Variants in ANTXR1 observed in about 807,000 individuals in gnomAD.
The protein encoded by ANTXR1 is ANTXR cell adhesion molecule 1, also known as anthrax toxin receptor 1.
ANTXR1 carries 19 observed loss-of-function variants against 78.1 expected under a neutral mutation model. The observed-to-expected ratio is 0.24, with a 90% CI of 0.17 to 0.36. The LOEUF (loss-of-function observed/expected upper bound fraction) is 0.36, where lower values mean the gene tolerates loss of function less well. ANTXR1 is among the 10% of genes least tolerant of loss of function. The probability of loss-of-function intolerance (pLI) is 1.00; values close to 1 mark genes in which losing one functional copy is unlikely to be tolerated. For synonymous variants in ANTXR1, 273 were observed against 260.5 expected (o/e 1.05, Z -0.46); for missense variants, 518 against 718.6 (o/e 0.72, Z 3.19).
intron 1 of ANTXR1, among the ~76,000 whole-genome samples, chr2:69,038,901 TCTGA>T (rs1310747643): frequency 6.6e-6 from 1 of 152,216 alleles, no homozygotes; most frequent in Non-Finnish European, 1.5e-5. Context: ...TGAGAATTCT[TCTGA>T]CTATCATTCC....
chr2:69,227,656 A>T (rs2104517548), intron 17 of ANTXR1, among the ~76,000 whole-genome samples: 1 of 152,310 alleles, frequency 6.6e-6, no homozygotes, highest in East Asian at 1.9e-4. Flanking sequence ...TGGCAGCTCC[A>T]TGCTGTCAGG....
At chr2:69,180,297 C>G (rs1481437892) in intron 14 of ANTXR1, among the ~76,000 whole-genome samples, 1 of 152,252 alleles carries the variant, frequency 6.6e-6, no homozygotes, top group Non-Finnish European at 1.5e-5. Flanking sequence ...CAGGCTTCAG[C>G]ATTGTGAGCA....
At chr2:69,125,864 C>T (rs915266261) in intron 12 of ANTXR1, among the ~76,000 whole-genome samples, 4 of 152,026 alleles carry the variant, frequency 2.6e-5, no homozygotes, top group African/African-American at 9.7e-5. Context: ...AAAAAGACAT[C>T]AGCCCCTAAC....
At position 69,013,287 on chromosome 2, in the gene ANTXR1, C is replaced by T; in HGVS notation, c.-213C>T. ...AAGAAGCGGAGGACAGGATTGGGATCCTTGAAACCCGAAACCCAGAAACAG... is the reference window on the plus strand; with the variant it reads ...AAGAAGCGGAGGACAGGATTGGGATTCTTGAAACCCGAAACCCAGAAACAG... On this transcript the variant is annotated 5_prime_UTR_variant, in exon 1 of 18. Coordinates refer to ENST00000303714, the MANE Select transcript of ANTXR1 (RefSeq NM_032208.3). The surrounding 1 kb of genome is among the most constrained non-coding windows in gnomAD (Gnocchi z 5.0). The T allele has an allele frequency of 2.9e-6, 2 of 686,220 alleles. No individual in the cohort carries two copies. The highest frequency in any genetic ancestry group is 4.9e-6 in the Non-Finnish European group (2 of 405,876). The allele number at this position is 686,220 out of a possible 1,614,324, so 42.5% of individuals were successfully genotyped here.
rs79218579 is a variant in ANTXR1, at chr2:69,081,082, G to A, written c.642+3594G>A. On this transcript the variant is annotated intron_variant, in intron 8 of 17. Coordinates refer to ENST00000303714, the MANE Select transcript of ANTXR1 (RefSeq NM_032208.3). ...AGAAAACTCACTATGACTTGAACAC[G>A]TTCTCTCTATTAGCGCCTCTGCCAG... Among the ~76,000 whole-genome samples the A allele has an allele frequency of 9.4e-3, 1,437 of 152,264 alleles. 29 individuals carry two copies. The highest frequency in any genetic ancestry group is 0.033 in the African/African-American group (1,391 of 41,538).
intron 17 of ANTXR1, among the ~76,000 whole-genome samples, chr2:69,240,595 G>A (rs1675872306): frequency 6.6e-6 from 1 of 152,242 alleles, no homozygotes; most frequent in Non-Finnish European, 1.5e-5. Context: ...ACAATCGTTT[G>A]ACTATGTCAA....
At chr2:69,213,604 C>T (rs1054731829) in intron 17 of ANTXR1, among the ~76,000 whole-genome samples, 6 of 152,240 alleles carry the variant, frequency 3.9e-5, no homozygotes, top group African/African-American at 7.2e-5. Flanking sequence ...AGTTACCTTC[C>T]GCAAAGACCA....
At chr2:69,090,143 C>A (rs940668572) in intron 8 of ANTXR1, among the ~76,000 whole-genome samples, 1 of 151,988 alleles carries the variant, frequency 6.6e-6, no homozygotes, top group Admixed American at 6.6e-5. Flanking sequence ...TTGAAGCTCA[C>A]ATTTTCCAGA....
chr2:69,223,576 C>A (rs1341620863), intron 17 of ANTXR1, among the ~76,000 whole-genome samples: 1 of 152,146 alleles, frequency 6.6e-6, no homozygotes, highest in African/African-American at 2.4e-5. Flanking sequence ...TGGGAGGTCA[C>A]CGATGAAGCT....
chr2:69,153,665 G>A lies in ANTXR1; in HGVS notation c.1047+1401G>A, dbSNP rs529545187. On this transcript the variant is annotated intron_variant, in intron 13 of 17. Coordinates refer to ENST00000303714, the MANE Select transcript of ANTXR1 (RefSeq NM_032208.3). ...ATGAGTCAGCCCAAGTGCTTTCTAT[G>A]GAGATTCAAAAACAAGCACATTTTC... 2.0e-5 allele frequency among the ~76,000 whole-genome samples: 3 copies of A among 152,286 alleles called. No individual in the cohort carries two copies. The East Asian group carries it at 5.8e-4, about 29-fold the overall frequency.
At position 69,075,662 on chromosome 2, in the gene ANTXR1, T is replaced by G. The variant is rs1333763849; in HGVS notation, c.561+4T>G. 1.9e-6 allele frequency: 3 copies of G among 1,613,740 alleles called. No homozygotes were observed. Among genetic ancestry groups the G allele is most frequent in the Non-Finnish European group, 2.5e-6 (3 of 1,179,730 alleles). ...GAAAGATTTCAATGAGACACAGGTA[T>G]GGTAATGGATTTCCTCAGGTTTGGA... On this transcript the variant is annotated splice_donor_region_variant and intron_variant, in intron 7 of 17. Transcript: ENST00000303714.
intron 1 of ANTXR1, among the ~76,000 whole-genome samples, chr2:69,017,002 T>C (rs933947396): frequency 1.2e-4 from 19 of 152,166 alleles, no homozygotes; most frequent in Admixed American, 9.2e-4. Context: ...TGGGGAGACC[T>C]TTACAGACAT....
At chr2:69,046,767 G>A (rs2104099681) in intron 3 of ANTXR1, among the ~76,000 whole-genome samples, 1 of 152,280 alleles carries the variant, frequency 6.6e-6, no homozygotes, top group Middle Eastern at 3.4e-3. Flanking sequence ...ATGACTTGCA[G>A]TGTTTTAGTT....
chr2:69,138,092 A>AAG (rs1672965988), intron 12 of ANTXR1, among the ~76,000 whole-genome samples: 1 of 150,556 alleles, frequency 6.6e-6, no homozygotes, highest in African/African-American at 2.5e-5. Flanking sequence ...CTCAAAAAAA[A>AAG]AAGAAAAAAA....
At chr2:69,040,340 C>A (rs887413162) in intron 2 of ANTXR1, among the ~76,000 whole-genome samples, 3 of 152,156 alleles carry the variant, frequency 2.0e-5, no homozygotes, top group African/African-American at 7.2e-5. Context: ...GGTTACGAGA[C>A]CAAAAATATT....
chr2:69,122,871 T>TGCTGTACA (rs1672397102), intron 10 of ANTXR1, 146 bp from the exon 11 acceptor site: 1 of 807,650 alleles, frequency 1.2e-6, no homozygotes, highest in African/African-American at 1.7e-5. Flanking sequence ...TGCGATAGTT[T>TGCTGTACA]GCTGTACAGC....
At position 69,162,870 on chromosome 2, in the gene ANTXR1, G is replaced by T. The variant is rs941583753; in HGVS notation, c.1048-7378G>T. On this transcript the variant is annotated intron_variant, in intron 13 of 17. Transcript: ENST00000303714. Reference sequence around the variant, plus strand: ...AAATAATAGGACTAATGGGGGAAATGGGTTCAGAGCAGAACATTCAAAACT... The same window carrying T: ...AAATAATAGGACTAATGGGGGAAATTGGTTCAGAGCAGAACATTCAAAACT... 3.3e-5 allele frequency among the ~76,000 whole-genome samples: 5 copies of T among 152,044 alleles called. 1 individual carries two copies. The highest frequency in any genetic ancestry group is 1.2e-4 in the African/African-American group (5 of 41,410).
intron 16 of ANTXR1, among the ~76,000 whole-genome samples, chr2:69,185,178 C>A (rs1674387226): frequency 6.6e-6 from 1 of 152,230 alleles, no homozygotes; most frequent in South Asian, 2.1e-4. Context: ...TCGGCCCCAC[C>A]TAAGATCTAC....
chr2:69,199,697 C>T (rs1322492276), intron 17 of ANTXR1, among the ~76,000 whole-genome samples: 4 of 152,082 alleles, frequency 2.6e-5, no homozygotes, highest in African/African-American at 9.7e-5. Flanking sequence ...GTGATGAGGT[C>T]TGGGCACTTA....
Sources: allele counts gnomAD v4.1 joint callset (sites outside exome capture counted in the v4.1 genomes callset), GRCh38; gene constraint gnomAD v4.1.1; non-coding constraint Gnocchi (gnomAD v3.1); transcripts MANE v1.5; gene names NCBI Gene and HGNC (gene_info 2026-07-23, HGNC 2026-07-21).